PRKCB: variants seen among roughly 807,000 people sequenced by gnomAD.
PRKCB encodes the protein protein kinase C beta.
In PRKCB, 13 loss-of-function variants were observed where a neutral mutation model predicts 81.5. The ratio of observed to expected loss-of-function variants is 0.16; its 90% CI spans 0.10 to 0.25. The LOEUF (loss-of-function observed/expected upper bound fraction) is 0.25, where lower values mean the gene tolerates loss of function less well. PRKCB is among the 10% of genes least tolerant of loss of function. The pLI is 1.00. For missense variants in PRKCB, 509 were observed against 875.7 expected, an observed-to-expected ratio of 0.58 and a Z score of 5.29; for synonymous variants, 335 against 321.4, an observed-to-expected ratio of 1.04 and a Z score of -0.45.
At chr16:23,944,980 A>G (rs888754728) in intron 2 of PRKCB, among the ~76,000 whole-genome samples, 2 of 152,178 alleles carry the variant, frequency 1.3e-5, no homozygotes, top group African/African-American at 4.8e-5. Context: ...GGAGGTTCCG[A>G]TGAGCAAAAA....
rs1311960050 is a variant in PRKCB at position 24,109,107 on chromosome 16, G to A, written c.822-3866G>A. Among the ~76,000 whole-genome samples the A allele has an allele frequency of 2.8e-4, 41 of 143,972 alleles. No homozygotes were observed. In the South Asian group the frequency reaches 3.6e-3, roughly 12 times the overall value. 94.5% of individuals were successfully genotyped at this position (143,972 alleles called of 152,430 possible). A position where few individuals can be genotyped will look rare whatever the true frequency, so the allele number is the denominator to read the frequency against. ...TCCTCACTTCCCAGTAGGGGCGGCC[G>A]GGCAGAGGCGCCCCTCACCTCCCGG... On this transcript the variant is annotated intron_variant, in intron 7 of 16. Coordinates refer to ENST00000643927, the MANE Select transcript of PRKCB (RefSeq NM_002738.7).
At chr16:24,110,510 C>CTGTTT (rs1966662533) in intron 7 of PRKCB, among the ~76,000 whole-genome samples, 1 of 111,176 alleles carries the variant, frequency 9.0e-6, no homozygotes, top group African/African-American at 4.5e-5. Context: ...CATGCCCAAC[C>CTGTTT]TTTTTTTTTT....
At chr16:24,098,460 A>T (rs1002462833) in intron 7 of PRKCB, 5 of 152,232 alleles carry the variant, frequency 3.3e-5, no homozygotes, top group Non-Finnish European at 7.3e-5. Flanking sequence ...AAACAAAAAA[A>T]AGATTTTGGC....
chr16:23,914,264 C>G (rs8051574), intron 2 of PRKCB, among the ~76,000 whole-genome samples: 77,778 of 152,106 alleles, frequency 0.51, 20,986 homozygotes, highest in East Asian at 0.62. Context: ...ATCCTTCTGC[C>G]TCAGCTTCCT....
intron 2 of PRKCB, among the ~76,000 whole-genome samples, chr16:23,882,273 A>G (rs1963136417): frequency 6.7e-6 from 1 of 150,318 alleles, no homozygotes; most frequent in Non-Finnish European, 1.5e-5. Context: ...TAATAGAGAC[A>G]AGGTCTTGCT....
At position 24,130,625 on chromosome 16, in the gene PRKCB, G is replaced by A. The variant is rs144303596; in HGVS notation, c.1065+6644G>A. ...TTCATTAAACTTCTAAGTTTAAGAC[G>A]TTTAAGACAGGCGCGCCTGGCCACA... On this transcript the variant is annotated intron_variant, in intron 9 of 16. Transcript: ENST00000643927. Among the ~76,000 whole-genome samples the A allele has an allele frequency of 5.2e-4, 79 of 152,236 alleles. 1 individual carries two copies. In the East Asian group the frequency reaches 0.014, roughly 26 times the overall value.
intron 12 of PRKCB, among the ~76,000 whole-genome samples, chr16:24,179,077 T>C (rs1360137735): frequency 6.6e-6 from 1 of 152,228 alleles, no homozygotes; most frequent in Non-Finnish European, 1.5e-5. Flanking sequence ...TAATACCACC[T>C]GAACAACCCC....
intron 2 of PRKCB, among the ~76,000 whole-genome samples, chr16:23,899,603 ACTCTCTCTCTCTCTCTCTCT>A (rs370318979): frequency 2.2e-5 from 1 of 45,568 alleles, no homozygotes; most frequent in African/African-American, 6.9e-5. Flanking sequence ...ATCCATAAGA[ACTCTCTCTCTCTCTCTCTCT>A]CTCTCTCTCT....
At chr16:24,149,788 G>A (rs1371905335) in intron 9 of PRKCB, among the ~76,000 whole-genome samples, 1 of 152,134 alleles carries the variant, frequency 6.6e-6, no homozygotes, top group Non-Finnish European at 1.5e-5. Context: ...TTAATTATTA[G>A]TAAGAATTTG....
At position 24,123,886 on chromosome 16, in the gene PRKCB, A is replaced by G. The variant is rs1331485957; in HGVS notation, c.970A>G (p.Thr324Ala). 1.2e-6 allele frequency: 2 copies of G among 1,614,064 alleles called. No homozygotes were observed. Among genetic ancestry groups the G allele is most frequent in the Non-Finnish European group, 1.7e-6 (2 of 1,180,038 alleles). Residue 324 changes from threonine (T) to alanine (A), a missense_variant, in exon 9 of 17, where the codon ACT (threonine) becomes GCT (alanine). By Grantham distance (58) the Thr-to-Ala change is moderately conservative. Coordinates refer to ENST00000643927, the MANE Select transcript of PRKCB (RefSeq NM_002738.7). The part of the protein sequence containing the change: ...TKVPEEKTTN[T>A]VSKFDNNGNR... ...GGTCCCGGAAGAAAAGACGACCAAC[A>G]CTGTCTCCAAATTTGACAACAATGG...
chr16:23,984,180 T>C (rs1237767441), intron 2 of PRKCB, among the ~76,000 whole-genome samples: 1 of 152,162 alleles, frequency 6.6e-6, no homozygotes, highest in Non-Finnish European at 1.5e-5. Flanking sequence ...CAAGAAGCTT[T>C]AAAAAGAACA....
At chr16:23,922,427 A>G (rs962028325) in intron 2 of PRKCB, among the ~76,000 whole-genome samples, 1 of 152,242 alleles carries the variant, frequency 6.6e-6, no homozygotes, top group Non-Finnish European at 1.5e-5. Flanking sequence ...TTTATTAAAG[A>G]CATGGTATGG....
Position 24,123,645 on chromosome 16 carries a change from A to G in PRKCB, c.919-190A>G, listed in dbSNP as rs867871429. Among the ~76,000 whole-genome samples, 5 of 152,096 alleles carry G rather than the reference A, an allele frequency of 3.3e-5. No homozygotes were observed. The South Asian group carries it at 1.0e-3, about 32-fold the overall frequency. Reference sequence around the variant, plus strand: ...TCTGGTTATGGTTGAGACATGAGGGATAAAAGAAAGATGGAGTTGCAAAGG... The same window carrying G: ...TCTGGTTATGGTTGAGACATGAGGGGTAAAAGAAAGATGGAGTTGCAAAGG... On this transcript the variant is annotated intron_variant, in intron 8 of 16. Coordinates refer to ENST00000643927, the MANE Select transcript of PRKCB (RefSeq NM_002738.7).
intron 3 of PRKCB, among the ~76,000 whole-genome samples, chr16:24,019,262 T>A (rs1965327947): frequency 6.6e-6 from 1 of 151,956 alleles, no homozygotes; most frequent in Non-Finnish European, 1.5e-5. Flanking sequence ...GAGGATCACT[T>A]GAGCCCAGAA....
chr16:24,185,719 A>G, intron 15 of PRKCB, 152 bp downstream of exon 15: 1 of 661,108 alleles, frequency 1.5e-6, no homozygotes, highest in Non-Finnish European at 2.6e-6. Context: ...TGGAGCTGCT[A>G]CCTCCCGGAG....
At chr16:23,845,716 T>C (rs1373495341) in intron 2 of PRKCB, among the ~76,000 whole-genome samples, 1 of 152,154 alleles carries the variant, frequency 6.6e-6, no homozygotes, top group Non-Finnish European at 1.5e-5. Flanking sequence ...GTAAGATGAG[T>C]AAGTATTTGG....
intron 4 of PRKCB, among the ~76,000 whole-genome samples, chr16:24,034,436 C>T (rs1965587703): frequency 6.6e-6 from 1 of 152,198 alleles, no homozygotes; most frequent in African/African-American, 2.4e-5. Flanking sequence ...GCACACCTTC[C>T]TGGAGTGGGG....
intron 7 of PRKCB, among the ~76,000 whole-genome samples, chr16:24,112,662 C>T (rs895753328): frequency 4.6e-5 from 7 of 152,184 alleles, no homozygotes; most frequent in South Asian, 4.2e-4. Flanking sequence ...AGTAATTTAA[C>T]GATATAACTA....
intron 5 of PRKCB, among the ~76,000 whole-genome samples, chr16:24,084,284 G>A (rs1167955965): frequency 6.6e-6 from 1 of 152,056 alleles, no homozygotes; most frequent in African/African-American, 2.4e-5. Flanking sequence ...TCAAAGTAGA[G>A]TTCAAGACAA....
Sources: gnomAD v4.1 joint callset for allele counts (sites outside exome capture counted in the v4.1 genomes callset) on GRCh38, gnomAD v4.1.1 for gene constraint, MANE v1.5 for transcripts, NCBI Gene and HGNC (gene_info 2026-07-23, HGNC 2026-07-21) for gene names.